The following ATAD2B variants were observed in gnomAD, a reference collection of about 807,000 sequenced individuals.
ATAD2B encodes the protein ATPase family AAA domain containing 2B.
A neutral mutation model predicts 167.6 loss-of-function variants in ATAD2B; 40 were observed. The observed-to-expected ratio is 0.24, with a 90% CI of 0.19 to 0.31. The LOEUF (loss-of-function observed/expected upper bound fraction) is 0.31, where lower values mean the gene tolerates loss of function less well. ATAD2B is among the 10% of genes least tolerant of loss of function. ATAD2B has a pLI of 1.00. For missense variants in ATAD2B, 1,242 were observed against 1,757.2 expected, an observed-to-expected ratio of 0.71 and a Z score of 5.24; for synonymous variants, 579 against 596.5, an observed-to-expected ratio of 0.97 and a Z score of 0.43.
chr2:23,811,066 C>T (rs1308280981), intron 17 of ATAD2B: 1 of 152,828 alleles, frequency 6.5e-6, no homozygotes, highest in African/African-American at 2.4e-5. Context: ...AATAAATCCA[C>T]TTTAAAATAA....
At chr2:23,761,745 A>G (rs1676765953) in intron 24 of ATAD2B, among the ~76,000 whole-genome samples, 1 of 152,200 alleles carries the variant, frequency 6.6e-6, no homozygotes, top group Non-Finnish European at 1.5e-5. Context: ...ACTACAAAGA[A>G]AAGAAGGCTG....
At chr2:23,760,248 A>G (rs1235016675) in intron 24 of ATAD2B, among the ~76,000 whole-genome samples, 1 of 152,244 alleles carries the variant, frequency 6.6e-6, no homozygotes. Context: ...TGGCAAAATA[A>G]GAGAAACAGA....
intron 18 of ATAD2B, among the ~76,000 whole-genome samples, chr2:23,799,430 A>T (rs1683108858): frequency 6.6e-6 from 1 of 151,702 alleles, no homozygotes; most frequent in Admixed American, 6.6e-5. Context: ...AAAATTAGCC[A>T]GGTGTGGTGG....
rs1315328891 is a variant in ATAD2B at position 23,751,895 on chromosome 2, T to C, written c.*151A>G. 12 of 664,496 alleles carry C rather than the reference T, an allele frequency of 1.8e-5. No individual in the cohort carries two copies. In the Admixed American group the frequency reaches 2.0e-4, roughly 11 times the overall value. 41.2% of individuals were successfully genotyped at this position (664,496 alleles called of 1,614,324 possible). The stretch of plus-strand genomic sequence containing the variant: ...GGTTGGTTTCAGGTACCTGAGACAA[T>C]AGCACCAAATTCAACAGAGAGAAAG... On this transcript the variant is annotated 3_prime_UTR_variant, in exon 28 of 28. Coordinates refer to ENST00000238789, the MANE Select transcript of ATAD2B (RefSeq NM_017552.4).
the ATAD2B span, among the ~76,000 whole-genome samples, chr2:23,694,547 G>GAA: frequency 6.6e-6 from 1 of 152,128 alleles, no homozygotes; most frequent in African/African-American, 2.4e-5. Flanking sequence ...CTCCACAGGG[G>GAA]AAACTGTGCA....
chr2:23,886,810 A>G (rs1014670798), intron 4 of ATAD2B, among the ~76,000 whole-genome samples: 10 of 152,064 alleles, frequency 6.6e-5, no homozygotes, highest in Non-Finnish European at 1.5e-4. Flanking sequence ...GGACACCTGT[A>G]GTCCCGGCTA....
At chr2:23,897,937 A>C (rs2150378916) in intron 1 of ATAD2B, among the ~76,000 whole-genome samples, 1 of 152,308 alleles carries the variant, frequency 6.6e-6, no homozygotes, top group East Asian at 1.9e-4. Context: ...GGAATATATA[A>C]ACATATAAAC....
At chr2:23,748,043 A>G (rs1674996250), downstream of ATAD2B, among the ~76,000 whole-genome samples, 1 of 152,168 alleles carries the variant, frequency 6.6e-6, no homozygotes. Flanking sequence ...TGATACAGAC[A>G]AAAGTTGAAA....
intron 8 of ATAD2B, chr2:23,872,491 T>C (rs1377065777): frequency 2.6e-6 from 2 of 761,788 alleles, no homozygotes; most frequent in Non-Finnish European, 4.7e-6. Context: ...TTTTACCAGG[T>C]GAGCTATTTC....
At chr2:23,741,803 A>G in the ATAD2B span, among the ~76,000 whole-genome samples, 2 of 152,236 alleles carry the variant, frequency 1.3e-5, no homozygotes, top group Non-Finnish European at 2.9e-5. Flanking sequence ...CAACCTACTC[A>G]TCTGACAAAG....
chr2:23,765,765 G>A, intron 22 of ATAD2B, 137 bp from the exon 23 acceptor site: 4 of 504,466 alleles, frequency 7.9e-6, no homozygotes, highest in South Asian at 1.0e-4. Flanking sequence ...TTAAAGTATG[G>A]GTAAAAAAAT....
intron 16 of ATAD2B, among the ~76,000 whole-genome samples, 161 bp from the exon 17 acceptor site, chr2:23,820,043 T>G (rs915056713): frequency 2.6e-5 from 4 of 152,068 alleles, no homozygotes; most frequent in African/African-American, 7.2e-5. Context: ...TAAAATAACT[T>G]ATAAACAAAA....
the ATAD2B span, among the ~76,000 whole-genome samples, chr2:23,693,103 C>T: frequency 3.4e-3 from 524 of 152,248 alleles, 1 homozygote; most frequent in African/African-American, 0.012. Flanking sequence ...GGAGAAGGAT[C>T]GAAGCCTCCA....
intron 1 of ATAD2B, among the ~76,000 whole-genome samples, chr2:23,917,112 C>A (rs907396168): frequency 1.3e-5 from 2 of 152,192 alleles, no homozygotes; most frequent in Non-Finnish European, 2.9e-5. Context: ...CAAAAAGAAC[C>A]AAAAATGTTT....
intron 14 of ATAD2B, among the ~76,000 whole-genome samples, chr2:23,833,091 C>T (rs1035324604): frequency 5.3e-5 from 8 of 152,188 alleles, no homozygotes; most frequent in African/African-American, 1.7e-4. Context: ...AAATCTGAGT[C>T]AACTACTGGT....
In ATAD2B at chr2:23,833,910, A is replaced by T; in HGVS notation, c.1728+9T>A. On this transcript the variant is annotated intron_variant, in intron 14 of 27. Coordinates refer to ENST00000238789, the MANE Select transcript of ATAD2B (RefSeq NM_017552.4). ...TAAATGTTAACATATTGAAAACAAAAACTCTTACCTTTTGATCAGGCAGGT... is the reference window on the plus strand; with the variant it reads ...TAAATGTTAACATATTGAAAACAAATACTCTTACCTTTTGATCAGGCAGGT... The T allele has an allele frequency of 6.3e-7, 1 of 1,592,770 alleles. No homozygotes were observed. Among genetic ancestry groups the T allele is most frequent in the Non-Finnish European group, 8.5e-7 (1 of 1,173,158 alleles).
At chr2:23,745,000 T>C (rs1428060952), downstream of ATAD2B, among the ~76,000 whole-genome samples, 3 of 152,176 alleles carry the variant, frequency 2.0e-5, no homozygotes, top group Admixed American at 6.5e-5. Flanking sequence ...CTAGAAAAAC[T>C]TGAGGCCAGG....
chr2:23,696,139 G>T, the ATAD2B span: 2 of 1,550,102 alleles, frequency 1.3e-6, no homozygotes, highest in African/African-American at 2.7e-5. The surrounding 1 kb of genome is among the most constrained non-coding windows in gnomAD (Gnocchi z 5.5). Context: ...CTCAGGTGAG[G>T]CCCCCCGGGG....
chr2:23,870,623 T>A (rs1695815349), intron 8 of ATAD2B, among the ~76,000 whole-genome samples: 1 of 110,938 alleles, frequency 9.0e-6, no homozygotes, highest in Admixed American at 1.2e-4. Context: ...TTAGCGAATA[T>A]CGGTCACTGT....
Sources: allele counts gnomAD v4.1 joint callset (sites outside exome capture counted in the v4.1 genomes callset), GRCh38; gene constraint gnomAD v4.1.1; non-coding constraint Gnocchi (gnomAD v3.1); transcripts MANE v1.5; gene names NCBI Gene and HGNC (gene_info 2026-07-23, HGNC 2026-07-21).